Variants in LAMA2 observed in about 807,000 individuals in gnomAD.
LAMA2 encodes laminin subunit alpha 2.
In LAMA2, 269 loss-of-function variants were observed where a neutral mutation model predicts 364.8. That is an observed-to-expected ratio of 0.74 (90% CI 0.67 to 0.82). The LOEUF (loss-of-function observed/expected upper bound fraction) is 0.82. Among genes scored for constraint, LAMA2 ranks in the 40% least tolerant of loss-of-function variants. The pLI, the probability that LAMA2 is intolerant of heterozygous loss-of-function variation, is 0.00. For missense variants in LAMA2, 3,807 were observed against 3,873.2 expected (o/e 0.98, Z 0.45); for synonymous variants, 1,379 against 1,370.6 (o/e 1.01, Z -0.14).
chr6:129,353,449 T>A (rs1307781606), intron 32 of LAMA2, 92 bp downstream of exon 32: 2 of 148,892 alleles, frequency 1.3e-5, no homozygotes, highest in Non-Finnish European at 2.4e-5. Context: ...CCCGCCCGCC[T>A]TTTTTTTTTT....
At chr6:129,461,753 A>T (rs1783262868) in intron 49 of LAMA2, among the ~76,000 whole-genome samples, 1 of 151,996 alleles carries the variant, frequency 6.6e-6, no homozygotes, top group African/African-American at 2.4e-5. Context: ...CTAATTTATG[A>T]TTATAAGAGT....
At chr6:129,489,940 AAT>A (rs1562612239) in intron 56 of LAMA2, among the ~76,000 whole-genome samples, 1 of 152,074 alleles carries the variant, frequency 6.6e-6, no homozygotes, top group East Asian at 1.9e-4. Context: ...AAAAAAAAAA[AAT>A]AAAGCTGACC....
intron 8 of LAMA2, among the ~76,000 whole-genome samples, chr6:129,160,951 G>C (rs1691276323): frequency 1.3e-5 from 2 of 151,990 alleles, no homozygotes; most frequent in Admixed American, 1.3e-4. Context: ...TCAGTGCATG[G>C]TCTCTCTTGG....
intron 28 of LAMA2, 56 bp from the exon 29 acceptor site, chr6:129,328,222 G>A (rs759134786): frequency 1.3e-4 from 193 of 1,462,770 alleles, no homozygotes; most frequent in Middle Eastern, 1.7e-4. Flanking sequence ...GAGCTCAAGC[G>A]TTGCTAATGC....
At chr6:129,127,104 A>G (rs1777162758) in intron 4 of LAMA2, among the ~76,000 whole-genome samples, 2 of 152,216 alleles carry the variant, frequency 1.3e-5, no homozygotes, top group Admixed American at 6.5e-5. Context: ...ATAATTTAGA[A>G]TATGGGTCCT....
chr6:129,113,542 C>A (rs757931257), intron 4 of LAMA2, among the ~76,000 whole-genome samples: 3 of 151,834 alleles, frequency 2.0e-5, no homozygotes, highest in Admixed American at 2.0e-4. Context: ...CATGACATAC[C>A]CTCTACTAGT....
At chr6:129,431,629 C>A (rs1376801511) in intron 41 of LAMA2, among the ~76,000 whole-genome samples, 1 of 141,508 alleles carries the variant, frequency 7.1e-6, no homozygotes, top group East Asian at 1.9e-4. Context: ...TCTTCATAAA[C>A]TTCATAACTA....
At chr6:129,043,518 C>T (rs1787249924) in intron 1 of LAMA2, among the ~76,000 whole-genome samples, 1 of 151,688 alleles carries the variant, frequency 6.6e-6, no homozygotes, top group Admixed American at 6.6e-5. Context: ...TTCTTTTTTG[C>T]TACAAGAATT....
chr6:129,196,258 CTT>C (rs888184816), intron 12 of LAMA2, among the ~76,000 whole-genome samples: 1 of 152,134 alleles, frequency 6.6e-6, no homozygotes, highest in Non-Finnish European at 1.5e-5. Context: ...CTGGTAAACT[CTT>C]TTGTTTTGTT....
In LAMA2 at chr6:129,235,156, G is replaced by A. The variant is rs1784903447; in HGVS notation, c.1783-14956G>A. Among the ~76,000 whole-genome samples, 4 of 152,110 alleles carry A rather than the reference G, an allele frequency of 2.6e-5. No homozygotes were observed. The South Asian group carries it at 8.3e-4, about 32-fold the overall frequency. ...GAAAGACAAGCAGGAAACTTCCAGG[G>A]GCCAAGGGGCTTAGAACCAACTGAA... On this transcript the variant is annotated intron_variant, in intron 12 of 64. Transcript: ENST00000421865.
At chr6:128,935,766 T>G (rs1161243287) in intron 1 of LAMA2, among the ~76,000 whole-genome samples, 1 of 152,208 alleles carries the variant, frequency 6.6e-6, no homozygotes, top group Admixed American at 6.5e-5. Context: ...CTTTCCAATT[T>G]AGATGAATGT....
intron 12 of LAMA2, among the ~76,000 whole-genome samples, chr6:129,234,804 CA>C (rs1784878386): frequency 6.6e-6 from 1 of 151,968 alleles, no homozygotes; most frequent in East Asian, 1.9e-4. Flanking sequence ...AGGAATATAA[CA>C]GGGGGCATAA....
chr6:129,111,633 C>G (rs1013724585), intron 4 of LAMA2, among the ~76,000 whole-genome samples: 1 of 151,842 alleles, frequency 6.6e-6, no homozygotes, highest in Admixed American at 6.6e-5. Context: ...GAATACTGTC[C>G]TAAGTATAAC....
At chr6:129,019,510 T>C (rs1785279399) in intron 1 of LAMA2, among the ~76,000 whole-genome samples, 1 of 151,922 alleles carries the variant, frequency 6.6e-6, no homozygotes. Context: ...AAGAGTCATA[T>C]TAAAACTTTA....
In LAMA2 at chr6:128,976,776, G is replaced by A. The variant is rs1361240344; in HGVS notation, c.113-73142G>A. 2.0e-5 allele frequency among the ~76,000 whole-genome samples: 3 copies of A among 152,148 alleles called. No homozygotes were observed. In the East Asian group the frequency reaches 5.8e-4, roughly 29 times the overall value. ...AAGAAATTCTGGGATTTAAGGATGA[G>A]TGGGAGACTTAGGTTCTTGGTTCTG... is the stretch of plus-strand genomic sequence containing the variant. On this transcript the variant is annotated intron_variant, in intron 1 of 64. Coordinates refer to ENST00000421865, the MANE Select transcript of LAMA2 (RefSeq NM_000426.4).
At chr6:129,492,221 C>G in intron 57 of LAMA2, 94 bp from the exon 58 acceptor site, 1 of 1,447,062 alleles carries the variant, frequency 6.9e-7, no homozygotes, top group Non-Finnish European at 9.7e-7. Context: ...GAAAAGCACA[C>G]TAATGGACTT....
intron 3 of LAMA2, among the ~76,000 whole-genome samples, chr6:129,063,057 C>T (rs956715284): frequency 5.0e-4 from 76 of 151,892 alleles, no homozygotes; most frequent in Admixed American, 1.9e-3. Context: ...TTTTCTCATT[C>T]TATTTACTCA....
chr6:128,987,137 TTTG>T (rs1403315465), intron 1 of LAMA2, among the ~76,000 whole-genome samples: 2 of 46,696 alleles, frequency 4.3e-5, no homozygotes, highest in African/African-American at 8.3e-5. Flanking sequence ...TTTTTTTTTT[TTTG>T]TTTTTTTTTT....
At chr6:128,986,285 C>T (rs1382830613) in intron 1 of LAMA2, among the ~76,000 whole-genome samples, 1 of 151,966 alleles carries the variant, frequency 6.6e-6, no homozygotes, top group African/African-American at 2.4e-5. Flanking sequence ...TTGCATATTT[C>T]CTGTCCTGGT....
Sources: allele counts gnomAD v4.1 joint callset (sites outside exome capture counted in the v4.1 genomes callset), GRCh38; gene constraint gnomAD v4.1.1; transcripts MANE v1.5; gene names NCBI Gene and HGNC (gene_info 2026-07-23, HGNC 2026-07-21).